NRG3: variants seen among roughly 807,000 people sequenced by gnomAD.
NRG3 encodes neuregulin 3.
NRG3 carries 31 observed loss-of-function variants against 66.9 expected under a neutral mutation model. That is an observed-to-expected ratio of 0.46 (90% CI 0.35 to 0.63). The LOEUF is 0.63. NRG3 is among the 20% of genes least tolerant of loss of function. The probability of loss-of-function intolerance (pLI) is 0.00; values close to 1 mark genes in which losing one functional copy is unlikely to be tolerated. For synonymous variants in NRG3, 393 were observed against 359.4 expected (o/e 1.09, Z -1.06); for missense variants, 910 against 878.9 (o/e 1.04, Z -0.45).
At chr10:82,495,147 G>A (rs866682413) in intron 2 of NRG3, among the ~76,000 whole-genome samples, 9 of 151,950 alleles carry the variant, frequency 5.9e-5, no homozygotes, top group African/African-American at 2.2e-4. Flanking sequence ...CATCATGCCA[G>A]GCTAGTTTCA....
chr10:82,301,536 A>T (rs1367315711), intron 1 of NRG3, among the ~76,000 whole-genome samples: 1 of 151,978 alleles, frequency 6.6e-6, no homozygotes. Flanking sequence ...ACATCCTAGT[A>T]TGGTTTCTGT....
intron 1 of NRG3, among the ~76,000 whole-genome samples, chr10:82,065,659 T>G (rs182097258): frequency 6.6e-6 from 1 of 152,284 alleles, no homozygotes; most frequent in Admixed American, 6.5e-5. Flanking sequence ...AAAAATGTTT[T>G]TAATAATTAA....
chr10:82,476,436 C>T (rs1260011811), intron 2 of NRG3, among the ~76,000 whole-genome samples: 1 of 152,136 alleles, frequency 6.6e-6, no homozygotes, highest in African/African-American at 2.4e-5. Flanking sequence ...TCATAATAGC[C>T]AAAGGTGAAG....
chr10:82,554,888 T>C (rs1217155179), intron 2 of NRG3, among the ~76,000 whole-genome samples: 1 of 152,144 alleles, frequency 6.6e-6, no homozygotes, highest in East Asian at 1.9e-4. Context: ...TGAGGACGGT[T>C]TGTATGATAG....
chr10:82,499,635 C>T (rs1319054219), intron 2 of NRG3, among the ~76,000 whole-genome samples: 1 of 152,020 alleles, frequency 6.6e-6, no homozygotes, highest in Non-Finnish European at 1.5e-5. Flanking sequence ...TAGAAAAGAC[C>T]TCTGTTGCTA....
chr10:82,574,617 A>G (rs2045929877), intron 2 of NRG3, among the ~76,000 whole-genome samples: 1 of 151,864 alleles, frequency 6.6e-6, no homozygotes, highest in Non-Finnish European at 1.5e-5. Context: ...AATGCATTGT[A>G]TACATGTATC....
intron 3 of NRG3, among the ~76,000 whole-genome samples, chr10:82,777,552 A>G (rs769623647): frequency 1.3e-5 from 2 of 151,862 alleles, no homozygotes; most frequent in Admixed American, 6.6e-5. Context: ...ACTCTTAGGC[A>G]CTCCTCAGTA....
chr10:82,165,250 G>C (rs2133013050), intron 1 of NRG3, among the ~76,000 whole-genome samples: 1 of 151,924 alleles, frequency 6.6e-6, no homozygotes, highest in African/African-American at 2.4e-5. Context: ...ATGAGAAGTA[G>C]TACTGGGAGA....
intron 1 of NRG3, among the ~76,000 whole-genome samples, chr10:82,265,061 G>C (rs2078226583): frequency 6.6e-6 from 1 of 152,162 alleles, no homozygotes; most frequent in African/African-American, 2.4e-5. Flanking sequence ...GGGTGTGTGT[G>C]TATGTAGTGC....
chr10:82,361,415 G>A, intron 2 of NRG3, among the ~76,000 whole-genome samples: 1 of 152,098 alleles, frequency 6.6e-6, no homozygotes, highest in East Asian at 1.9e-4. Flanking sequence ...CATCACATGT[G>A]CCTGCTATTC....
At chr10:82,840,486 G>C (rs1008406514) in intron 3 of NRG3, among the ~76,000 whole-genome samples, 1 of 151,990 alleles carries the variant, frequency 6.6e-6, no homozygotes. Context: ...TAATTCAATT[G>C]GAGGCTTGCA....
intron 2 of NRG3, among the ~76,000 whole-genome samples, chr10:82,538,453 C>A (rs1223994678): frequency 6.6e-6 from 1 of 152,176 alleles, no homozygotes; most frequent in East Asian, 1.9e-4. Context: ...AGAGTTCTGT[C>A]TGCTTTTCCT....
intron 2 of NRG3, among the ~76,000 whole-genome samples, chr10:82,699,365 ATAAAT>A (rs1204109738): frequency 6.6e-6 from 1 of 152,048 alleles, no homozygotes; most frequent in East Asian, 1.9e-4. Flanking sequence ...GGAAGTATCA[ATAAAT>A]TAATTACTAG....
intron 1 of NRG3, among the ~76,000 whole-genome samples, chr10:82,303,693 C>T (rs1245201282): frequency 6.6e-6 from 1 of 151,888 alleles, no homozygotes; most frequent in Non-Finnish European, 1.5e-5. Context: ...GATGGTGAAA[C>T]CCTGTCTGTA....
At chr10:82,647,457 A>G (rs1220501945) in intron 2 of NRG3, among the ~76,000 whole-genome samples, 4 of 152,218 alleles carry the variant, frequency 2.6e-5, no homozygotes, top group African/African-American at 7.2e-5. Flanking sequence ...TAGAGCTGCA[A>G]TAAACATACG....
chr10:82,132,524 T>TATATATCATA (rs1564593958), intron 1 of NRG3, among the ~76,000 whole-genome samples: 219 of 20,838 alleles, frequency 0.011, 14 homozygotes, highest in African/African-American at 0.03. Context: ...ATGATATATA[T>TATATATCATA]GATATATATA....
intron 1 of NRG3, among the ~76,000 whole-genome samples, chr10:82,026,799 T>C (rs573516356): frequency 6.6e-6 from 1 of 152,016 alleles, no homozygotes; most frequent in Non-Finnish European, 1.5e-5. Flanking sequence ...GTCATCATTT[T>C]CATAATAACT....
intron 1 of NRG3, among the ~76,000 whole-genome samples, chr10:81,904,279 G>T (rs2132683035): frequency 6.6e-6 from 1 of 152,028 alleles, no homozygotes; most frequent in Middle Eastern, 3.4e-3. Context: ...CAAACTGCTG[G>T]GATTATAGGT....
At chr10:82,489,213 T>C (rs950472548) in intron 2 of NRG3, among the ~76,000 whole-genome samples, 5 of 152,208 alleles carry the variant, frequency 3.3e-5, no homozygotes, top group African/African-American at 1.2e-4. Context: ...AAATGGGTGC[T>C]TTAATAATAC....
Sources: gnomAD v4.1 joint callset for allele counts (sites outside exome capture counted in the v4.1 genomes callset) on GRCh38, gnomAD v4.1.1 for gene constraint, MANE v1.5 for transcripts, NCBI Gene and HGNC (gene_info 2026-07-23, HGNC 2026-07-21) for gene names.